LUZP2: variants seen among roughly 807,000 people sequenced by gnomAD.
LUZP2 encodes the protein leucine zipper protein 2.
In LUZP2, 52 loss-of-function variants were observed where a neutral mutation model predicts 51.6. The observed-to-expected ratio is 1.01, with a 90% CI of 0.81 to 1.27. The LOEUF is 1.27. Ranked by LOEUF, LUZP2 falls within the 50% of genes most tolerant of loss-of-function variation. The probability of loss-of-function intolerance (pLI) is 0.00; values close to 1 mark genes in which losing one functional copy is unlikely to be tolerated. For missense variants in LUZP2, 436 were observed against 395.4 expected, an observed-to-expected ratio of 1.10 and a Z score of -0.87; for synonymous variants, 154 against 137.3, an observed-to-expected ratio of 1.12 and a Z score of -0.85.
intron 1 of LUZP2, among the ~76,000 whole-genome samples, chr11:24,564,197 A>T (rs901532130): frequency 3.3e-5 from 5 of 152,136 alleles, no homozygotes; most frequent in African/African-American, 1.2e-4. Flanking sequence ...TTTGTATTCT[A>T]GCTGTGAACT....
intron 1 of LUZP2, among the ~76,000 whole-genome samples, chr11:24,663,908 T>C (rs913544428): frequency 1.3e-5 from 2 of 152,186 alleles, no homozygotes; most frequent in African/African-American, 4.8e-5. Context: ...GATTGTAAGT[T>C]CCTGAAGGCT....
chr11:25,011,201 TA>T (rs1175648662), intron 9 of LUZP2, among the ~76,000 whole-genome samples: 1 of 152,184 alleles, frequency 6.6e-6, no homozygotes, highest in Non-Finnish European at 1.5e-5. Context: ...ACAAACCAAT[TA>T]CTAAGTTAAT....
intron 1 of LUZP2, among the ~76,000 whole-genome samples, chr11:24,612,755 T>C (rs1179048046): frequency 6.6e-6 from 1 of 152,160 alleles, no homozygotes; most frequent in Non-Finnish European, 1.5e-5. Flanking sequence ...ATTAGTTGTG[T>C]TTAATTTTCT....
chr11:24,591,037 A>T (rs1590215305), intron 1 of LUZP2, among the ~76,000 whole-genome samples: 1 of 152,198 alleles, frequency 6.6e-6, no homozygotes, highest in African/African-American at 2.4e-5. Context: ...TGAACCCAGG[A>T]GGTTGAGGTT....
At chr11:25,032,319 A>G (rs1446537811) in intron 9 of LUZP2, among the ~76,000 whole-genome samples, 1 of 152,200 alleles carries the variant, frequency 6.6e-6, no homozygotes, top group Admixed American at 6.6e-5. Context: ...CAGCAGCAGT[A>G]GGAAACTAAT....
intron 1 of LUZP2, among the ~76,000 whole-genome samples, chr11:24,677,724 C>G (rs1281572796): frequency 6.6e-6 from 1 of 151,960 alleles, no homozygotes; most frequent in Non-Finnish European, 1.5e-5. Context: ...GTGTGTATAT[C>G]TTTGTCTCTA....
At chr11:25,027,179 A>G (rs1022401558) in intron 9 of LUZP2, among the ~76,000 whole-genome samples, 4 of 152,124 alleles carry the variant, frequency 2.6e-5, no homozygotes, top group African/African-American at 4.8e-5. Context: ...TTGCTAAATT[A>G]GCTCCTCTAA....
intron 5 of LUZP2, among the ~76,000 whole-genome samples, chr11:24,827,258 G>T (rs995739766): frequency 6.6e-6 from 1 of 152,136 alleles, no homozygotes; most frequent in African/African-American, 2.4e-5. Flanking sequence ...ACCAGAGTGG[G>T]TCAGAATTCA....
At chr11:25,067,192 G>C (rs1355942594) in intron 10 of LUZP2, among the ~76,000 whole-genome samples, 2 of 151,924 alleles carry the variant, frequency 1.3e-5, no homozygotes, top group African/African-American at 4.8e-5. Flanking sequence ...CTTTAGAGAA[G>C]TGTTTGTTCA....
At chr11:24,604,449 A>G (rs1183048593) in intron 1 of LUZP2, among the ~76,000 whole-genome samples, 2 of 151,838 alleles carry the variant, frequency 1.3e-5, no homozygotes, top group Non-Finnish European at 2.9e-5. Context: ...TAAATTAATA[A>G]TAATATTAAA....
Position 24,774,362 on chromosome 11 carries a change from C to CTCTCTCTCTATATATATATA in LUZP2, c.396+11055_396+11056insCTCTCTCTATATATATATAT, listed in dbSNP as rs776739280. On this transcript the variant is annotated intron_variant, in intron 5 of 11. Transcript: ENST00000336930. ...TCTCTCTCTCTCTCTCTCTCTCTCT[C>CTCTCTCTCTATATATATATA]TATATATATATATATATATACATAC... 1.7e-4 allele frequency among the ~76,000 whole-genome samples: 13 copies of CTCTCTCTCTATATATATATA among 76,340 alleles called. 1 individual carries two copies. In the East Asian group the frequency reaches 2.9e-3, roughly 17 times the overall value. The allele number at this position is 76,340 out of a possible 152,430, so 50.1% of individuals were successfully genotyped here.
At chr11:24,855,456 G>T (rs7928091) in intron 5 of LUZP2, among the ~76,000 whole-genome samples, 30,383 of 152,064 alleles carry the variant, frequency 0.2, 3,169 homozygotes, top group African/African-American at 0.25. Flanking sequence ...ACTAATGAGA[G>T]AAATTGTAGA....
intron 7 of LUZP2, among the ~76,000 whole-genome samples, chr11:24,942,340 C>T (rs746543927): frequency 1.3e-5 from 2 of 152,116 alleles, no homozygotes; most frequent in Non-Finnish European, 2.9e-5. Context: ...TATGAAAAAT[C>T]CACATGTCCT....
intron 1 of LUZP2, among the ~76,000 whole-genome samples, chr11:24,558,292 TGGTTCTCCAGCCTGCA>T (rs1851931386): frequency 6.6e-6 from 1 of 152,098 alleles, no homozygotes; most frequent in Non-Finnish European, 1.5e-5. Context: ...CTGGCTTTCC[TGGTTCTCCAGCCTGCA>T]GGCAGTCTAC....
chr11:24,964,628 A>T (rs752367658), intron 7 of LUZP2, among the ~76,000 whole-genome samples: 5 of 152,138 alleles, frequency 3.3e-5, no homozygotes, highest in Non-Finnish European at 2.9e-5. Flanking sequence ...TACAGGGTAT[A>T]TTATACTATG....
chr11:24,785,831 T>C, intron 5 of LUZP2: 1 of 983,874 alleles, frequency 1.0e-6, no homozygotes, highest in East Asian at 1.1e-4. Flanking sequence ...AGTTCCAGGC[T>C]TCAAGAGGCT....
chr11:24,622,016 C>T (rs1185979315), intron 1 of LUZP2, among the ~76,000 whole-genome samples: 5 of 151,996 alleles, frequency 3.3e-5, no homozygotes, highest in African/African-American at 1.2e-4. Context: ...TCTCAGCTCA[C>T]TGCAGCCTCT....
chr11:24,577,128 A>G (rs990904401), intron 1 of LUZP2, among the ~76,000 whole-genome samples: 2 of 144,228 alleles, frequency 1.4e-5, no homozygotes, highest in Admixed American at 1.4e-4. Flanking sequence ...GGTGAATAGT[A>G]TAATTAATTG....
chr11:24,823,180 G>A (rs1850412093), intron 5 of LUZP2, among the ~76,000 whole-genome samples: 1 of 152,122 alleles, frequency 6.6e-6, no homozygotes, highest in Non-Finnish European at 1.5e-5. Flanking sequence ...ACCAGCTGTT[G>A]TAGCAGGTTT....
Sources: gnomAD v4.1 joint callset for allele counts (sites outside exome capture counted in the v4.1 genomes callset) on GRCh38, gnomAD v4.1.1 for gene constraint, MANE v1.5 for transcripts, NCBI Gene and HGNC (gene_info 2026-07-23, HGNC 2026-07-21) for gene names.